Variants in ANKS1B observed in about 807,000 individuals in gnomAD.
ANKS1B encodes the protein ankyrin repeat and sterile alpha motif domain containing 1B, also known as ankyrin repeat and sterile alpha motif domain-containing protein 1B.
Under a neutral mutation model 148.3 loss-of-function variants are expected in ANKS1B, and 36 were observed. The observed-to-expected ratio is 0.24, with a 90% CI of 0.19 to 0.32. The LOEUF is 0.32. Among genes scored for constraint, ANKS1B ranks in the 10% least tolerant of loss-of-function variants. The pLI is 1.00. For synonymous variants in ANKS1B, 542 were observed against 560.8 expected, an observed-to-expected ratio of 0.97 and a Z score of 0.47; for missense variants, 1,157 against 1,542.6, an observed-to-expected ratio of 0.75 and a Z score of 4.19.
intron 1 of ANKS1B, among the ~76,000 whole-genome samples, chr12:99,839,964 T>C (rs1428865170): frequency 3.3e-5 from 5 of 152,156 alleles, no homozygotes; most frequent in Non-Finnish European, 7.4e-5. Context: ...ATTCAAAAAA[T>C]AGCTATTGAG....
At chr12:99,302,364 G>A (rs2081762471) in intron 12 of ANKS1B, among the ~76,000 whole-genome samples, 1 of 152,074 alleles carries the variant, frequency 6.6e-6, no homozygotes, top group Non-Finnish European at 1.5e-5. Flanking sequence ...TTACACAAAA[G>A]AATGTATCCA....
intron 1 of ANKS1B, among the ~76,000 whole-genome samples, chr12:99,974,098 C>T (rs1387995280): frequency 6.6e-6 from 1 of 152,244 alleles, no homozygotes; most frequent in Non-Finnish European, 1.5e-5. Flanking sequence ...GCCATCCCAA[C>T]CTTCAGCAAC....
At chr12:99,321,658 A>G (rs537157623) in intron 12 of ANKS1B, among the ~76,000 whole-genome samples, 1 of 152,288 alleles carries the variant, frequency 6.6e-6, no homozygotes, top group East Asian at 1.9e-4. Context: ...CTTCCTGGGT[A>G]AGGCGATGCC....
intron 1 of ANKS1B, among the ~76,000 whole-genome samples, chr12:99,887,451 C>T (rs1254981343): frequency 1.3e-5 from 2 of 152,130 alleles, no homozygotes; most frequent in East Asian, 1.9e-4. Context: ...AGTGTAGTTA[C>T]TACAGATTTT....
chr12:99,515,098 C>T (rs976690450), intron 9 of ANKS1B, among the ~76,000 whole-genome samples: 6 of 151,726 alleles, frequency 4.0e-5, no homozygotes, highest in Non-Finnish European at 8.8e-5. Context: ...TTGATAAAGG[C>T]AAGCAATATG....
chr12:99,387,292 C>A (rs939017349), intron 12 of ANKS1B, among the ~76,000 whole-genome samples: 1 of 152,156 alleles, frequency 6.6e-6, no homozygotes, highest in African/African-American at 2.4e-5. Context: ...GTCATGAGGA[C>A]AGAGCCCTCA....
chr12:99,143,603 A>AT (rs1476903954), intron 15 of ANKS1B, among the ~76,000 whole-genome samples: 1 of 152,104 alleles, frequency 6.6e-6, no homozygotes, highest in Non-Finnish European at 1.5e-5. Context: ...GTCTTCCATG[A>AT]TCACTGCTAC....
intron 17 of ANKS1B, among the ~76,000 whole-genome samples, chr12:99,040,522 C>T (rs1052024517): frequency 6.6e-6 from 1 of 152,082 alleles, no homozygotes; most frequent in Non-Finnish European, 1.5e-5. Flanking sequence ...GTTGCAAGAC[C>T]AGCCTAGTGT....
intron 21 of ANKS1B, among the ~76,000 whole-genome samples, chr12:98,799,919 T>C (rs1257574458): frequency 6.6e-6 from 1 of 152,076 alleles, no homozygotes; most frequent in African/African-American, 2.4e-5. Context: ...ATAATTATTT[T>C]AGAAGATATC....
chr12:99,125,280 A>G (rs899333922), intron 15 of ANKS1B, among the ~76,000 whole-genome samples: 4 of 152,218 alleles, frequency 2.6e-5, no homozygotes, highest in Admixed American at 6.5e-5. Context: ...CATGTGCCAA[A>G]TACACAGCTA....
intron 1 of ANKS1B, among the ~76,000 whole-genome samples, chr12:99,877,099 C>A (rs190180178): frequency 2.0e-5 from 3 of 152,178 alleles, no homozygotes; most frequent in East Asian, 1.9e-4. Flanking sequence ...TTCACCCCCC[C>A]ACCCCAGTCC....
At chr12:99,581,460 T>C (rs2097568763) in intron 9 of ANKS1B, among the ~76,000 whole-genome samples, 1 of 151,906 alleles carries the variant, frequency 6.6e-6, no homozygotes, top group African/African-American at 2.4e-5. Context: ...TAAAGAAAAA[T>C]ATAGGGTAAA....
chr12:99,673,953 A>G (rs1476824159), intron 8 of ANKS1B, among the ~76,000 whole-genome samples: 1 of 151,754 alleles, frequency 6.6e-6, no homozygotes, highest in African/African-American at 2.4e-5. Flanking sequence ...AAAAATCAAC[A>G]GTCTTTCTAT....
chr12:99,649,510 G>T, intron 9 of ANKS1B: 1 of 790,590 alleles, frequency 1.3e-6, no homozygotes. Flanking sequence ...AGTGATGACA[G>T]TAAGCACCAC....
At chr12:99,360,273 GTGAAA>G (rs1158571810) in intron 12 of ANKS1B, among the ~76,000 whole-genome samples, 1 of 152,162 alleles carries the variant, frequency 6.6e-6, no homozygotes, top group Middle Eastern at 3.4e-3. Flanking sequence ...TTTATTATTT[GTGAAA>G]TGAATTAATA....
chr12:99,592,241 G>A (rs556587480), intron 9 of ANKS1B, among the ~76,000 whole-genome samples: 29 of 152,096 alleles, frequency 1.9e-4, no homozygotes, highest in African/African-American at 6.0e-4. Context: ...TAAAGCACAC[G>A]AAATGCTCTT....
intron 2 of ANKS1B, among the ~76,000 whole-genome samples, chr12:99,813,191 G>C (rs1565778646): frequency 6.6e-6 from 1 of 151,412 alleles, no homozygotes; most frequent in African/African-American, 2.4e-5. Flanking sequence ...GGTTTTCAAA[G>C]TAAAAATCCT....
At chr12:99,862,391 CTG>C (rs1332206636) in intron 1 of ANKS1B, among the ~76,000 whole-genome samples, 2 of 152,164 alleles carry the variant, frequency 1.3e-5, no homozygotes, top group Non-Finnish European at 2.9e-5. Context: ...AGCAAGACAT[CTG>C]TGTTATTTAT....
chr12:98,883,357 G>C (rs1191171487), intron 17 of ANKS1B, among the ~76,000 whole-genome samples: 2 of 152,288 alleles, frequency 1.3e-5, no homozygotes, highest in East Asian at 3.9e-4. Flanking sequence ...GCCTCAATCT[G>C]AAAGTAATTC....
Sources: gnomAD v4.1 joint callset for allele counts (sites outside exome capture counted in the v4.1 genomes callset) on GRCh38, gnomAD v4.1.1 for gene constraint, MANE v1.5 for transcripts, NCBI Gene and HGNC (gene_info 2026-07-23, HGNC 2026-07-21) for gene names.